HOOK1: variants seen among roughly 807,000 people sequenced by gnomAD.
HOOK1 encodes the protein hook microtubule tethering protein 1.
HOOK1 carries 60 observed loss-of-function variants against 112.8 expected under a neutral mutation model. That is an observed-to-expected ratio of 0.53 (90% confidence interval 0.43 to 0.66). The LOEUF (loss-of-function observed/expected upper bound fraction) is 0.66, where lower values mean the gene tolerates loss of function less well. Ranked by LOEUF, HOOK1 falls within the 30% of genes least tolerant of loss-of-function variation. The pLI is 0.00. For missense variants in HOOK1, 770 were observed against 856.0 expected (o/e 0.90, Z 1.25); for synonymous variants, 294 against 283.8 (o/e 1.04, Z -0.36).
chr1:59,863,143 C>A (rs17119799), intron 16 of HOOK1, among the ~76,000 whole-genome samples: 4,862 of 152,214 alleles, frequency 0.032, 131 homozygotes, highest in Admixed American at 0.087. Flanking sequence ...CATTCAACAT[C>A]ATTTAGCAGC....
intron 1 of HOOK1, among the ~76,000 whole-genome samples, chr1:59,816,932 A>G (rs1223620450): frequency 1.3e-5 from 2 of 152,298 alleles, no homozygotes; most frequent in African/African-American, 4.8e-5. Context: ...GAATAACCAG[A>G]CAGTTTCTCT....
intron 21 of HOOK1, among the ~76,000 whole-genome samples, chr1:59,871,359 T>G (rs1412170821): frequency 6.6e-6 from 1 of 152,214 alleles, no homozygotes; most frequent in African/African-American, 2.4e-5. Context: ...TGATACGTAT[T>G]GAAGCACAGG....
At chr1:59,845,828 T>C (rs1279214973) in intron 9 of HOOK1, among the ~76,000 whole-genome samples, 1 of 151,934 alleles carries the variant, frequency 6.6e-6, no homozygotes, top group Admixed American at 6.6e-5. Context: ...AAATTTTGTC[T>C]CTTGTAATGT....
Position 59,862,774 on chromosome 1 carries a change from C to T in HOOK1, c.1533-10C>T, listed in dbSNP as rs373410619. On this transcript the variant is annotated splice_polypyrimidine_tract_variant and intron_variant, in intron 15 of 21. Coordinates refer to ENST00000371208, the MANE Select transcript of HOOK1 (RefSeq NM_015888.6). ...ATACAAGTAAATGCTTATGACCCAT[C>T]TTACAATAGGCTGAGCAAAGAGCGT... is the stretch of plus-strand genomic sequence containing the variant. 1.1e-4 allele frequency: 172 copies of T among 1,579,694 alleles called. No homozygotes were observed. Among genetic ancestry groups the T allele is most frequent in the Admixed American group, 2.0e-4 (12 of 59,848 alleles).
intron 4 of HOOK1, among the ~76,000 whole-genome samples, chr1:59,833,204 A>G (rs567294208): frequency 3.3e-5 from 5 of 152,310 alleles, no homozygotes; most frequent in African/African-American, 4.8e-5. Flanking sequence ...AAAAGGAAAT[A>G]TAGTGCTTTT....
rs896834057 is a variant in HOOK1 at position 59,843,428 on chromosome 1, T to C, written c.622-4T>C. ...GTGCTTATGTATGTGTATTTGTTTC[T>C]TAGGTGACTACACTTCAAGATGAAA... is the stretch of plus-strand genomic sequence containing the variant. On this transcript the variant is annotated splice_region_variant and splice_polypyrimidine_tract_variant and intron_variant, in intron 8 of 21. Coordinates refer to ENST00000371208, the MANE Select transcript of HOOK1 (RefSeq NM_015888.6). The C allele has an allele frequency of 4.4e-6, 7 of 1,600,082 alleles. No homozygotes were observed. The highest frequency in any genetic ancestry group is 2.6e-6 in the Non-Finnish European group (3 of 1,173,720).
At chr1:59,854,011 TATATATATATATATATA>T in intron 12 of HOOK1, among the ~76,000 whole-genome samples, 1 of 18,300 alleles carries the variant, frequency 5.5e-5, no homozygotes, top group South Asian at 1.7e-3. Flanking sequence ...AATATATATA[TATATATATATATATATA>T]TATATATATA....
At chr1:59,832,708 C>T (rs886457988) in intron 4 of HOOK1, among the ~76,000 whole-genome samples, 2 of 151,980 alleles carry the variant, frequency 1.3e-5, no homozygotes, top group Non-Finnish European at 1.5e-5. Context: ...AACAAGTTCT[C>T]TAGTAGGGTT....
At chr1:59,839,847 A>G (rs1332455860) in intron 7 of HOOK1, among the ~76,000 whole-genome samples, 3 of 152,154 alleles carry the variant, frequency 2.0e-5, no homozygotes, top group Non-Finnish European at 4.4e-5. Context: ...AGCTCTTATT[A>G]TGTTTAGATA....
intron 7 of HOOK1, among the ~76,000 whole-genome samples, chr1:59,838,364 C>T (rs1389428402): frequency 6.6e-6 from 1 of 152,116 alleles, no homozygotes; most frequent in Non-Finnish European, 1.5e-5. Flanking sequence ...CTGTTGTTTC[C>T]TGACTTTTTA....
Position 59,832,147 on chromosome 1 carries a change from AT to A in HOOK1, c.223-9del, listed in dbSNP as rs66623805. 9.3e-6 allele frequency: 13 copies of A among 1,403,578 alleles called. No homozygotes were observed. The highest frequency in any genetic ancestry group is 2.4e-5 in the East Asian group (1 of 41,288). 86.9% of individuals were successfully genotyped at this position (1,403,578 alleles called of 1,614,324 possible). A position where few individuals can be genotyped will look rare whatever the true frequency, so the allele number is the denominator to read the frequency against. On this transcript the variant is annotated splice_polypyrimidine_tract_variant and intron_variant, in intron 3 of 21. Transcript: ENST00000371208. ...TATTAATCTGAAATAAGAATCTCTT[AT>A]TTTTTTCACATTAGGCCAGTAATGT...
At chr1:59,846,501 CT>C (rs1221762210) in intron 9 of HOOK1, among the ~76,000 whole-genome samples, 2 of 148,716 alleles carry the variant, frequency 1.3e-5, no homozygotes, top group Non-Finnish European at 3.0e-5. Context: ...CTTCCTTCCC[CT>C]CCCTCCCTTT....
intron 14 of HOOK1, 119 bp from the exon 15 acceptor site, chr1:59,860,069 G>A (rs1451391005): frequency 4.7e-6 from 3 of 644,492 alleles, no homozygotes; most frequent in Non-Finnish European, 7.5e-6. Context: ...ATGCTAGCTG[G>A]TCCTGCTTGC....
intron 16 of HOOK1, 107 bp from the exon 17 acceptor site, chr1:59,864,525 A>T (rs1014488825): frequency 1.5e-6 from 1 of 678,426 alleles, no homozygotes; most frequent in Non-Finnish European, 2.6e-6. Context: ...AAATATTTAT[A>T]ATTTTGCCTG....
chr1:59,867,456 T>G (rs1201843536), intron 19 of HOOK1, among the ~76,000 whole-genome samples: 1 of 152,206 alleles, frequency 6.6e-6, no homozygotes, highest in African/African-American at 2.4e-5. Context: ...CCATCCAGTC[T>G]TCTTCTTTTT....
At chr1:59,872,468 G>T (rs1321145206) in intron 21 of HOOK1, among the ~76,000 whole-genome samples, 1 of 152,180 alleles carries the variant, frequency 6.6e-6, no homozygotes, top group East Asian at 1.9e-4. Context: ...AAGCCATTCT[G>T]TTGTGACATG....
In HOOK1 at chr1:59,849,108, C is replaced by T. The variant is rs778200905; in HGVS notation, c.1167C>T (p.Ser389=). Residue 389 remains serine (S), a synonymous_variant, in exon 12 of 22, where the codon TCC becomes TCT. Transcript: ENST00000371208. ...QDLHVKLSSE[S]KRADTLAFEM... ...TTCATGTTAAACTTTCCTCCGAATCCAAGAGGGCAGACACACTAGCGTTTG... is the reference window on the plus strand; with the variant it reads ...TTCATGTTAAACTTTCCTCCGAATCTAAGAGGGCAGACACACTAGCGTTTG... The T allele has an allele frequency of 9.3e-6, 15 of 1,607,518 alleles. No homozygotes were observed. The highest frequency in any genetic ancestry group is 1.3e-5 in the Non-Finnish European group (15 of 1,176,050).
chr1:59,870,861 C>A, intron 20 of HOOK1, 181 bp from the exon 21 acceptor site: 1 of 513,308 alleles, frequency 1.9e-6, no homozygotes, highest in Non-Finnish European at 3.5e-6. Context: ...AAACCTTATT[C>A]TTTCCTAAAG....
At chr1:59,864,744 G>A (rs1643929477) in intron 17 of HOOK1, 78 bp downstream of exon 17, 1 of 911,510 alleles carries the variant, frequency 1.1e-6, no homozygotes, top group Non-Finnish European at 1.7e-6. Context: ...CTCCTTTTCG[G>A]ATTTTGTCTA....
Sources: gnomAD v4.1 joint callset for allele counts (sites outside exome capture counted in the v4.1 genomes callset) on GRCh38, gnomAD v4.1.1 for gene constraint, MANE v1.5 for transcripts, NCBI Gene and HGNC (gene_info 2026-07-23, HGNC 2026-07-21) for gene names.